The following TAFA5 variants were observed in gnomAD, a reference collection of about 807,000 sequenced individuals.
TAFA5 encodes chemokine-like protein TAFA-5.
In TAFA5, 6 loss-of-function variants were observed where a neutral mutation model predicts 15.3. The observed-to-expected ratio is 0.39, with a 90% CI of 0.21 to 0.77. The LOEUF (loss-of-function observed/expected upper bound fraction) is 0.77. TAFA5 is among the 30% of genes least tolerant of loss of function. TAFA5 has a pLI of 0.41. For synonymous variants in TAFA5, 103 were observed against 80.7 expected (o/e 1.28, Z -1.48); for missense variants, 161 against 193.1 (o/e 0.83, Z 0.98).
At chr22:48,500,574 GCAGGCGGGCTGTGCT>G (rs1483518983) in intron 1 of TAFA5, among the ~76,000 whole-genome samples, 2 of 152,240 alleles carry the variant, frequency 1.3e-5, no homozygotes, top group Non-Finnish European at 2.9e-5. Flanking sequence ...CGCCGGGCCC[GCAGGCGGGCTGTGCT>G]GTCCGCCTCT....
chr22:48,556,247 G>C (rs1339303077), intron 1 of TAFA5, among the ~76,000 whole-genome samples: 1 of 152,150 alleles, frequency 6.6e-6, no homozygotes, highest in Admixed American at 6.5e-5. Context: ...GTGCTCACTG[G>C]CCCTGCATCC....
intron 1 of TAFA5, among the ~76,000 whole-genome samples, chr22:48,609,199 C>T (rs1411765714): frequency 3.3e-5 from 5 of 152,168 alleles, no homozygotes; most frequent in East Asian, 1.9e-4. Context: ...GGGAAATGCA[C>T]GTCTCCCAGC....
chr22:48,692,127 C>T (rs368228562), intron 2 of TAFA5, among the ~76,000 whole-genome samples: 51 of 152,114 alleles, frequency 3.4e-4, no homozygotes, highest in African/African-American at 1.2e-3. Flanking sequence ...TGGGAAGACA[C>T]CGAGACCTGA....
chr22:48,578,648 C>G lies in TAFA5; in HGVS notation c.113-67949C>G, dbSNP rs370208310. ...TACCTTTGGAGGAGCGATTGCGGGT[C>G]CCAGTGTTTGCGCAGCCCTCCAGGA... On this transcript the variant is annotated intron_variant, in intron 1 of 3. Transcript: ENST00000402357. Among the ~76,000 whole-genome samples, 11 of 152,288 alleles carry G rather than the reference C, an allele frequency of 7.2e-5. No homozygotes were observed. The East Asian group carries it at 1.9e-3, about 27-fold the overall frequency.
intron 1 of TAFA5, among the ~76,000 whole-genome samples, chr22:48,565,031 G>A (rs889909658): frequency 1.3e-5 from 2 of 152,246 alleles, no homozygotes; most frequent in Admixed American, 1.3e-4. Flanking sequence ...TCTGCACTCT[G>A]CCTTCTCATC....
chr22:48,625,599 T>C (rs1292928356), intron 1 of TAFA5, among the ~76,000 whole-genome samples: 1 of 152,198 alleles, frequency 6.6e-6, no homozygotes, highest in Non-Finnish European at 1.5e-5. Flanking sequence ...ACCGGGGAGC[T>C]CCTTTTCTCC....
chr22:48,628,381 G>T (rs1034662114), intron 1 of TAFA5, among the ~76,000 whole-genome samples: 17 of 152,208 alleles, frequency 1.1e-4, no homozygotes, highest in African/African-American at 4.1e-4. Flanking sequence ...TGCCTCTGGA[G>T]TGTGGCCTTC....
chr22:48,725,620 T>C (rs141068448), intron 3 of TAFA5, among the ~76,000 whole-genome samples: 27 of 150,822 alleles, frequency 1.8e-4, no homozygotes, highest in African/African-American at 5.1e-4. Flanking sequence ...GATGTAAAAG[T>C]AGAGTTTAGT....
chr22:48,729,377 A>ATATG (rs1555903044), intron 3 of TAFA5, among the ~76,000 whole-genome samples: 1 of 139,158 alleles, frequency 7.2e-6, no homozygotes, highest in Non-Finnish European at 1.6e-5. Context: ...ATTTATAAAT[A>ATATG]TATGTAAATA....
At chr22:48,571,152 T>C (rs1442782158) in intron 1 of TAFA5, among the ~76,000 whole-genome samples, 3 of 152,206 alleles carry the variant, frequency 2.0e-5, no homozygotes, top group Admixed American at 1.3e-4. Flanking sequence ...GTCTTCTATC[T>C]TTTCCCATCA....
At chr22:48,577,456 C>T (rs1923855698) in intron 1 of TAFA5, among the ~76,000 whole-genome samples, 1 of 152,318 alleles carries the variant, frequency 6.6e-6, no homozygotes, top group South Asian at 2.1e-4. Flanking sequence ...CCGGGCACCC[C>T]TGCTCATGGT....
intron 1 of TAFA5, chr22:48,576,216 G>C (rs1473782372): frequency 3.1e-6 from 1 of 321,698 alleles, no homozygotes; most frequent in Non-Finnish European, 5.0e-6. Context: ...CGGCCGCCGC[G>C]GCCCGAGACT....
intron 2 of TAFA5, among the ~76,000 whole-genome samples, chr22:48,699,311 G>A (rs72619584): frequency 1.3e-5 from 2 of 152,108 alleles, no homozygotes; most frequent in East Asian, 1.9e-4. Flanking sequence ...GACTATGAAC[G>A]CACACAAAGC....
intron 1 of TAFA5, among the ~76,000 whole-genome samples, chr22:48,514,785 C>T (rs1475331849): frequency 6.6e-6 from 1 of 152,246 alleles, no homozygotes. Context: ...TGTGACCTTC[C>T]TTTTCTATTC....
At chr22:48,578,734 T>G (rs73890908) in intron 1 of TAFA5, among the ~76,000 whole-genome samples, 2 of 152,236 alleles carry the variant, frequency 1.3e-5, no homozygotes, top group Admixed American at 6.5e-5. Flanking sequence ...GGTTGAGCCC[T>G]GCTGCCTGTC....
intron 2 of TAFA5, among the ~76,000 whole-genome samples, chr22:48,673,575 G>T (rs1257242847): frequency 6.6e-6 from 1 of 152,212 alleles, no homozygotes; most frequent in Non-Finnish European, 1.5e-5. Context: ...CTGGTGCCCT[G>T]TCGCTGCTGG....
rs114042942 is a variant in TAFA5, at chr22:48,568,890, C to T, written c.113-77707C>T. Among the ~76,000 whole-genome samples the T allele has an allele frequency of 2.4e-3, 360 of 152,226 alleles. 1 individual carries two copies. The highest frequency in any genetic ancestry group is 8.3e-3 in the African/African-American group (345 of 41,548). Reference sequence around the variant, plus strand: ...CAGCCTCTGGGGCTGGGGTGGGGGACGAGGGCAGATGAGGACAGAGCATCC... The same window carrying T: ...CAGCCTCTGGGGCTGGGGTGGGGGATGAGGGCAGATGAGGACAGAGCATCC... On this transcript the variant is annotated intron_variant, in intron 1 of 3. Transcript: ENST00000402357.
At chr22:48,694,677 G>A (rs1188381027) in intron 2 of TAFA5, among the ~76,000 whole-genome samples, 1 of 152,050 alleles carries the variant, frequency 6.6e-6, no homozygotes, top group Non-Finnish European at 1.5e-5. Context: ...TGTTCTCTGT[G>A]TCCCCGGGCC....
At chr22:48,507,110 AGGT>A (rs1219798011) in intron 1 of TAFA5, among the ~76,000 whole-genome samples, 1 of 151,728 alleles carries the variant, frequency 6.6e-6, no homozygotes, top group Non-Finnish European at 1.5e-5. Flanking sequence ...GAGGAGAAGG[AGGT>A]GGCCGCCAAG....
Sources: gnomAD v4.1 joint callset for allele counts (sites outside exome capture counted in the v4.1 genomes callset) on GRCh38, gnomAD v4.1.1 for gene constraint, MANE v1.5 for transcripts, NCBI Gene and HGNC (gene_info 2026-07-23, HGNC 2026-07-21) for gene names.